The following ITPR1 variants were observed in gnomAD, a reference collection of about 807,000 sequenced individuals.
The protein encoded by ITPR1 is inositol 1,4,5-trisphosphate-gated calcium channel ITPR1.
In ITPR1, 96 loss-of-function variants were observed where a neutral mutation model predicts 318.4. The ratio of observed to expected loss-of-function variants is 0.30; its 90% CI spans 0.26 to 0.36. The LOEUF is 0.36. Among genes scored for constraint, ITPR1 ranks in the 10% least tolerant of loss-of-function variants. The pLI is 1.00. For missense variants in ITPR1, 2,440 were observed against 3,460.2 expected (o/e 0.71, Z 7.40); for synonymous variants, 1,312 against 1,289.9 (o/e 1.02, Z -0.37).
At position 4,727,129 on chromosome 3, in the gene ITPR1, C is replaced by T; in HGVS notation, c.5176C>T (p.Leu1726Phe). The stretch of plus-strand genomic sequence containing the variant: ...GGAATTTCTGCATGCCTAGCAGGAG[C>T]TTGAACCAAGTCCACCCCTGCGGCA... ...APDSENATEELEPSPPLRQLE... is the reference protein window; with the variant it reads ...APDSENATEEFEPSPPLRQLE... The change falls in exon 42 of 62, where the codon CTT (leucine) becomes TTT (phenylalanine). Residue 1726 changes from leucine to phenylalanine, a missense_variant. Transcript: ENST00000649015. The T allele has an allele frequency of 6.3e-7, 1 of 1,598,104 alleles. No individual in the cohort carries two copies. Among genetic ancestry groups the T allele is most frequent in the East Asian group, 2.2e-5 (1 of 44,856 alleles).
intron 2 of ITPR1, among the ~76,000 whole-genome samples, chr3:4,509,207 G>A (rs765286624): frequency 5.3e-5 from 8 of 152,140 alleles, no homozygotes; most frequent in Non-Finnish European, 8.8e-5. Flanking sequence ...GAGAAGTTAT[G>A]GAAGTTGCTT....
rs537039876 is a variant in ITPR1, at chr3:4,550,536, C to T, written c.163+29442C>T. Among the ~76,000 whole-genome samples, 15 of 152,154 alleles carry T rather than the reference C, an allele frequency of 9.9e-5. No homozygotes were observed. In the South Asian group the frequency reaches 3.1e-3, roughly 32 times the overall value. On this transcript the variant is annotated intron_variant, in intron 4 of 61. Coordinates refer to ENST00000649015, the MANE Select transcript of ITPR1 (RefSeq NM_001378452.1). ...ACTGTTACATGAAAAATAGAAATTC[C>T]CTGAGAGCATAATTAGGCCAGTTAT...
chr3:4,820,793 T>C (rs2049657278), intron 60 of ITPR1, among the ~76,000 whole-genome samples: 1 of 152,200 alleles, frequency 6.6e-6, no homozygotes. Flanking sequence ...TGTCTGCTGT[T>C]GTGTTTAGGC....
intron 4 of ITPR1, among the ~76,000 whole-genome samples, chr3:4,537,027 A>T (rs1216912063): frequency 1.3e-5 from 2 of 152,172 alleles, no homozygotes; most frequent in Admixed American, 1.3e-4. Flanking sequence ...GAAAACACAG[A>T]TTCAGGCATT....
chr3:4,590,174 CTTTTTTTTT>C (rs10713337), intron 4 of ITPR1, among the ~76,000 whole-genome samples: 3 of 87,428 alleles, frequency 3.4e-5, no homozygotes, highest in Non-Finnish European at 6.4e-5. Flanking sequence ...CTTCGTCTTG[CTTTTTTTTT>C]TTTTTTTTTT....
chr3:4,549,306 G>C (rs939370683), intron 4 of ITPR1, among the ~76,000 whole-genome samples: 2 of 152,150 alleles, frequency 1.3e-5, no homozygotes, highest in African/African-American at 4.8e-5. Flanking sequence ...ACATAATTTA[G>C]AGACTTAACC....
chr3:4,794,845 C>T (rs1035082732), intron 52 of ITPR1, among the ~76,000 whole-genome samples: 6 of 152,170 alleles, frequency 3.9e-5, no homozygotes, highest in African/African-American at 1.4e-4. Flanking sequence ...TACTCCACCC[C>T]CAATACATCT....
At chr3:4,744,771 A>G in intron 44 of ITPR1, among the ~76,000 whole-genome samples, 1 of 152,320 alleles carries the variant, frequency 6.6e-6, no homozygotes, top group East Asian at 1.9e-4. Flanking sequence ...TTTTAAGTAA[A>G]TATTCACCAG....
intron 44 of ITPR1, among the ~76,000 whole-genome samples, chr3:4,757,958 C>A (rs1237042363): frequency 2.0e-5 from 3 of 152,072 alleles, no homozygotes; most frequent in African/African-American, 7.2e-5. Flanking sequence ...TGGGAGATGT[C>A]CTCTGAAGTC....
intron 61 of ITPR1, among the ~76,000 whole-genome samples, chr3:4,839,404 T>G (rs1382813797): frequency 1.3e-5 from 2 of 152,302 alleles, no homozygotes; most frequent in East Asian, 3.9e-4. Flanking sequence ...CCTTATTTTC[T>G]TGATGAGGAT....
At chr3:4,615,946 T>C (rs555686067) in intron 4 of ITPR1, among the ~76,000 whole-genome samples, 4 of 152,142 alleles carry the variant, frequency 2.6e-5, no homozygotes, top group Non-Finnish European at 5.9e-5. Flanking sequence ...GGGAAAAAAT[T>C]AGCTCATCTT....
chr3:4,812,751 A>G (rs550108366), intron 56 of ITPR1, among the ~76,000 whole-genome samples: 85 of 152,336 alleles, frequency 5.6e-4, no homozygotes, highest in African/African-American at 2.0e-3. Flanking sequence ...ACTGCCAGCC[A>G]TCTTAGAGTT....
At chr3:4,686,690 G>A (rs957759763) in intron 30 of ITPR1, among the ~76,000 whole-genome samples, 3 of 152,146 alleles carry the variant, frequency 2.0e-5, no homozygotes, top group Non-Finnish European at 2.9e-5. Flanking sequence ...TCCAAAGAAC[G>A]GTGGAGGAAT....
intron 4 of ITPR1, among the ~76,000 whole-genome samples, chr3:4,604,575 A>G (rs2091555851): frequency 6.6e-6 from 1 of 152,120 alleles, no homozygotes; most frequent in South Asian, 2.1e-4. Context: ...CATTTCAGCT[A>G]ATTTGGCATC....
At position 4,531,461 on chromosome 3, in the gene ITPR1, C is replaced by T. The variant is rs576511237; in HGVS notation, c.163+10367C>T. Among the ~76,000 whole-genome samples the T allele has an allele frequency of 2.6e-5, 4 of 152,268 alleles. No individual in the cohort carries two copies. The South Asian group carries it at 8.3e-4, about 32-fold the overall frequency. ...TCCTCCAATCCACCGTTTACTGCGGCTAGGGGAATCAGCACAGGTCTGAAG... is the reference window on the plus strand; with the variant it reads ...TCCTCCAATCCACCGTTTACTGCGGTTAGGGGAATCAGCACAGGTCTGAAG... On this transcript the variant is annotated intron_variant, in intron 4 of 61. Coordinates refer to ENST00000649015, the MANE Select transcript of ITPR1 (RefSeq NM_001378452.1).
intron 17 of ITPR1, among the ~76,000 whole-genome samples, chr3:4,666,675 C>G (rs565626470): frequency 1.1e-4 from 16 of 152,190 alleles, no homozygotes; most frequent in African/African-American, 3.6e-4. Context: ...AAAATTAAAG[C>G]AAGTTTCAAG....
At chr3:4,584,996 C>T (rs2089738947) in intron 4 of ITPR1, among the ~76,000 whole-genome samples, 1 of 152,104 alleles carries the variant, frequency 6.6e-6, no homozygotes, top group East Asian at 1.9e-4. Context: ...ACTGACTTGC[C>T]CACTGTCAGA....
intron 10 of ITPR1, among the ~76,000 whole-genome samples, chr3:4,647,119 G>C (rs1199873559): frequency 1.3e-5 from 2 of 151,838 alleles, no homozygotes; most frequent in Non-Finnish European, 2.9e-5. Flanking sequence ...GCCTGTTCTT[G>C]AACTTTGTAT....
intron 2 of ITPR1, among the ~76,000 whole-genome samples, chr3:4,515,577 T>G (rs1475519720): frequency 1.3e-5 from 2 of 152,200 alleles, no homozygotes; most frequent in Non-Finnish European, 2.9e-5. Context: ...AATTTAGCTT[T>G]TTACAATTGG....
Sources: gnomAD v4.1 joint callset for allele counts (sites outside exome capture counted in the v4.1 genomes callset) on GRCh38, gnomAD v4.1.1 for gene constraint, MANE v1.5 for transcripts, NCBI Gene and HGNC (gene_info 2026-07-23, HGNC 2026-07-21) for gene names.